The following CAMKMT variants were observed in gnomAD, a reference collection of about 807,000 sequenced individuals.
CAMKMT encodes the protein CaM KMT.
A neutral mutation model predicts 48.0 loss-of-function variants in CAMKMT; 53 were observed. The ratio of observed to expected loss-of-function variants is 1.10; its 90% confidence interval spans 0.89 to 1.39. CAMKMT has a LOEUF of 1.39. Ranked by LOEUF, CAMKMT falls within the 40% of genes most tolerant of loss-of-function variation. The probability of loss-of-function intolerance (pLI) is 0.00; values close to 1 mark genes in which losing one functional copy is unlikely to be tolerated. For synonymous variants in CAMKMT, 165 were observed against 152.3 expected, an observed-to-expected ratio of 1.08 and a Z score of -0.61; for missense variants, 428 against 402.7, an observed-to-expected ratio of 1.06 and a Z score of -0.54.
Position 44,531,198 on chromosome 2 carries a change from G to A in CAMKMT, c.376+140893G>A, listed in dbSNP as rs568691055. On this transcript the variant is annotated intron_variant, in intron 3 of 10. Transcript: ENST00000378494. ...GGAATTTTAATAGTTTTTGTTCTGC[G>A]CGGTTTTTAAGATTAAAAATTAAGC... Among the ~76,000 whole-genome samples, 18 of 151,846 alleles carry A rather than the reference G, an allele frequency of 1.2e-4. No individual in the cohort carries two copies. The South Asian group carries it at 1.2e-3, about 10-fold the overall frequency.
intron 3 of CAMKMT, among the ~76,000 whole-genome samples, chr2:44,590,814 A>C (rs1347895242): frequency 2.0e-5 from 3 of 151,822 alleles, no homozygotes; most frequent in Admixed American, 6.6e-5. Flanking sequence ...TGTTTTAGAC[A>C]TGAAGTCCTT....
chr2:44,524,552 T>G (rs984899869), intron 3 of CAMKMT, among the ~76,000 whole-genome samples: 1 of 152,064 alleles, frequency 6.6e-6, no homozygotes, highest in South Asian at 2.1e-4. Context: ...CTTCTTTCCT[T>G]TACCATTCTT....
At chr2:44,619,601 C>T (rs1672070602) in intron 3 of CAMKMT, among the ~76,000 whole-genome samples, 1 of 152,140 alleles carries the variant, frequency 6.6e-6, no homozygotes, top group South Asian at 2.1e-4. Context: ...CTCCAAAAGG[C>T]ATGAAAATGA....
chr2:44,378,490 T>C (rs1049347741), intron 2 of CAMKMT, among the ~76,000 whole-genome samples: 1 of 151,880 alleles, frequency 6.6e-6, no homozygotes, highest in African/African-American at 2.4e-5. Flanking sequence ...GTTTGTTTGT[T>C]TGTTTGTTTG....
Position 44,589,698 on chromosome 2 carries a change from A to G in CAMKMT, c.377-114585A>G, listed in dbSNP as rs1462176265. ...ATGCTTGAAGTCAGCATGCTCGTTA[A>G]GAGTCGTGTCACCACTCCCTAATCT... On this transcript the variant is annotated intron_variant, in intron 3 of 10. Transcript: ENST00000378494. Among the ~76,000 whole-genome samples the G allele has an allele frequency of 1.0e-4, 8 of 79,990 alleles. 3 individuals are homozygous for G. The highest frequency in any genetic ancestry group is 3.0e-4 in the Admixed American group (2 of 6,606). The allele number at this position is 79,990 out of a possible 152,430, so 52.5% of individuals were successfully genotyped here. A position where few individuals can be genotyped will look rare whatever the true frequency, so the allele number is the denominator to read the frequency against.
chr2:44,595,062 C>G (rs1003951172), intron 3 of CAMKMT, among the ~76,000 whole-genome samples: 2 of 152,174 alleles, frequency 1.3e-5, no homozygotes, highest in African/African-American at 4.8e-5. Context: ...AGCTCATCAT[C>G]ACTGTTCATT....
chr2:44,726,767 C>A (rs146925192), intron 7 of CAMKMT, among the ~76,000 whole-genome samples: 1 of 152,192 alleles, frequency 6.6e-6, no homozygotes, highest in East Asian at 1.9e-4. Context: ...CATTTAAAAC[C>A]GTAATCCATT....
intron 1 of CAMKMT, among the ~76,000 whole-genome samples, chr2:44,371,264 G>A (rs1300966124): frequency 6.6e-6 from 1 of 152,102 alleles, no homozygotes; most frequent in African/African-American, 2.4e-5. Context: ...GGGATTACAG[G>A]CGTGAGCCAC....
intron 3 of CAMKMT, among the ~76,000 whole-genome samples, chr2:44,631,263 G>A (rs1289426103): frequency 6.6e-6 from 1 of 152,120 alleles, no homozygotes; most frequent in Admixed American, 6.5e-5. Flanking sequence ...GGGGGTAAGG[G>A]GGAGGGATAG....
intron 3 of CAMKMT, among the ~76,000 whole-genome samples, chr2:44,457,876 T>A (rs962497969): frequency 6.6e-6 from 1 of 152,114 alleles, no homozygotes; most frequent in African/African-American, 2.4e-5. Flanking sequence ...CATGGCTGCT[T>A]GGTGATGGAT....
chr2:44,481,256 A>G (rs1313215404), intron 3 of CAMKMT, among the ~76,000 whole-genome samples: 1 of 152,108 alleles, frequency 6.6e-6, no homozygotes, highest in African/African-American at 2.4e-5. Flanking sequence ...GTATAAATCA[A>G]CTTATTTTTG....
intron 3 of CAMKMT, among the ~76,000 whole-genome samples, chr2:44,619,203 A>G (rs1465054369): frequency 6.6e-6 from 1 of 152,220 alleles, no homozygotes; most frequent in Non-Finnish European, 1.5e-5. Context: ...TACTTATTTG[A>G]GGTATTGAAA....
intron 3 of CAMKMT, among the ~76,000 whole-genome samples, chr2:44,551,768 T>G (rs1226122003): frequency 6.6e-6 from 1 of 152,190 alleles, no homozygotes; most frequent in Non-Finnish European, 1.5e-5. Context: ...AGCACTGTAC[T>G]AAGTGCTTTT....
rs143242877 is a variant in CAMKMT at position 44,609,507 on chromosome 2, T to C, written c.377-94776T>C. Among the ~76,000 whole-genome samples the C allele has an allele frequency of 2.3e-3, 357 of 152,346 alleles. 2 individuals are homozygous for C. The highest frequency in any genetic ancestry group is 8.0e-3 in the African/African-American group (334 of 41,582). ...CTTAATCAATAAAAAATTTAGTTTA[T>C]TAAGTTATGCCACATGTGAGTGGCA... On this transcript the variant is annotated intron_variant, in intron 3 of 10. Coordinates refer to ENST00000378494, the MANE Select transcript of CAMKMT (RefSeq NM_024766.5).
intron 3 of CAMKMT, among the ~76,000 whole-genome samples, chr2:44,392,511 A>G (rs924087785): frequency 6.6e-6 from 1 of 152,076 alleles, no homozygotes; most frequent in African/African-American, 2.4e-5. Flanking sequence ...TATTATGCCA[A>G]TAGTGATATT....
At chr2:44,457,859 G>C (rs1363571871) in intron 3 of CAMKMT, among the ~76,000 whole-genome samples, 1 of 152,064 alleles carries the variant, frequency 6.6e-6, no homozygotes, top group African/African-American at 2.4e-5. Flanking sequence ...GAATTAGCTA[G>C]TTCCTCCATG....
chr2:44,580,082 C>A (rs892226331), intron 3 of CAMKMT, among the ~76,000 whole-genome samples: 6 of 152,012 alleles, frequency 3.9e-5, no homozygotes, highest in Admixed American at 3.3e-4. Context: ...TTGTACCCTA[C>A]CTCTAGGAGT....
chr2:44,758,842 C>T lies in CAMKMT; in HGVS notation c.762+4724C>T, dbSNP rs151276186. On this transcript the variant is annotated intron_variant, in intron 9 of 10. Transcript: ENST00000378494. Reference sequence around the variant, plus strand: ...TGAACTTTCGTCCAGAAATGACAACCAACAAATGGTATCTACTAATATTCC... The same window carrying T: ...TGAACTTTCGTCCAGAAATGACAACTAACAAATGGTATCTACTAATATTCC... Among the ~76,000 whole-genome samples the T allele has an allele frequency of 2.6e-5, 4 of 152,294 alleles. No homozygotes were observed. The East Asian group carries it at 7.7e-4, about 29-fold the overall frequency.
intron 3 of CAMKMT, chr2:44,456,573 G>A: frequency 6.5e-7 from 1 of 1,549,784 alleles, no homozygotes. Context: ...TTTAGGGGAA[G>A]CAACCAGGGG....
Sources: allele counts gnomAD v4.1 joint callset (sites outside exome capture counted in the v4.1 genomes callset), GRCh38; gene constraint gnomAD v4.1.1; transcripts MANE v1.5; gene names NCBI Gene and HGNC (gene_info 2026-07-23, HGNC 2026-07-21).